Variants in BNC2 observed in about 807,000 individuals in gnomAD.
The protein encoded by BNC2 is zinc finger protein basonuclin-2.
BNC2 carries 20 observed loss-of-function variants against 76.3 expected under a neutral mutation model. The observed-to-expected ratio is 0.26, with a 90% CI of 0.18 to 0.38. BNC2 has a LOEUF of 0.38. Among genes scored for constraint, BNC2 ranks in the 10% least tolerant of loss-of-function variants. The pLI, the probability that BNC2 is intolerant of heterozygous loss-of-function variation, is 1.00. For missense variants in BNC2, 1,382 were observed against 1,399.8 expected (o/e 0.99, Z 0.20); for synonymous variants, 582 against 514.8 (o/e 1.13, Z -1.77).
intron 5 of BNC2, among the ~76,000 whole-genome samples, chr9:16,497,834 C>A (rs1037754511): frequency 1.3e-5 from 2 of 152,050 alleles, no homozygotes; most frequent in Non-Finnish European, 2.9e-5. Context: ...CCAGTCATAT[C>A]TGTGAACAGA....
At chr9:16,734,424 G>A (rs1331296548) in intron 2 of BNC2, among the ~76,000 whole-genome samples, 2 of 143,686 alleles carry the variant, frequency 1.4e-5, no homozygotes, top group Non-Finnish European at 3.0e-5. Context: ...TGTCATCTCT[G>A]ATTGCCAGCC....
chr9:16,822,307 T>C (rs1201329532), intron 1 of BNC2, among the ~76,000 whole-genome samples: 2 of 152,122 alleles, frequency 1.3e-5, no homozygotes, highest in African/African-American at 2.4e-5. Context: ...TTACCTCCTA[T>C]TACCCTAATA....
intron 3 of BNC2, chr9:16,705,128 C>CTT (rs1823627947): frequency 6.6e-6 from 1 of 151,896 alleles, no homozygotes; most frequent in Non-Finnish European, 1.5e-5. Context: ...TCCTGAGTCT[C>CTT]TAAGTCACCC....
At chr9:16,654,206 T>C (rs1821866971) in intron 3 of BNC2, among the ~76,000 whole-genome samples, 2 of 152,212 alleles carry the variant, frequency 1.3e-5, no homozygotes, top group South Asian at 2.1e-4. Flanking sequence ...TCCTCTCTTT[T>C]GGTTTCACTC....
intron 1 of BNC2, among the ~76,000 whole-genome samples, chr9:16,799,592 C>T (rs1473152186): frequency 6.6e-6 from 1 of 152,052 alleles, no homozygotes; most frequent in African/African-American, 2.4e-5. Flanking sequence ...TTACTTTCTT[C>T]AGGCAATAAC....
chr9:16,735,777 T>C (rs2135091863), intron 2 of BNC2, among the ~76,000 whole-genome samples: 1 of 152,050 alleles, frequency 6.6e-6, no homozygotes, highest in African/African-American at 2.4e-5. Context: ...GTGCTGGGAT[T>C]ACAGGGGTGA....
At chr9:16,447,388 C>G (rs550974905) in intron 5 of BNC2, among the ~76,000 whole-genome samples, 15 of 152,124 alleles carry the variant, frequency 9.9e-5, no homozygotes, top group South Asian at 6.2e-4. Context: ...CTCAGCTTTA[C>G]AATTCTATTA....
Position 16,552,643 on chromosome 9 carries a change from G to T in BNC2, c.556C>A (p.Leu186Ile). ...AAGAGACGGTCCAGCAGGATCTTTA[G>T]CCGCACAGGCACTGCTTGTGTCCCA... ...LYGTQAVPVR[L>I]KILLDRLFSV... Residue 186 changes from leucine (L) to isoleucine (I), a missense_variant, in exon 5 of 7, where the codon CTA (leucine) becomes ATA (isoleucine). By Grantham distance (5) the Leu-to-Ile change is conservative. Transcript: ENST00000380672. 1 of 1,614,200 alleles carries T rather than the reference G, an allele frequency of 6.2e-7. No individual in the cohort carries two copies. The highest frequency in any genetic ancestry group is 2.2e-5 in the East Asian group (1 of 44,868).
chr9:16,508,259 A>G (rs1822675207), intron 5 of BNC2, among the ~76,000 whole-genome samples: 1 of 152,242 alleles, frequency 6.6e-6, no homozygotes, highest in African/African-American at 2.4e-5. Flanking sequence ...CTTCTGGTCA[A>G]AGACATCTTG....
Position 16,861,333 on chromosome 9 carries a change from A to G in BNC2, c.3+9313T>C, listed in dbSNP as rs535672394. Among the ~76,000 whole-genome samples, 45 of 151,914 alleles carry G rather than the reference A, an allele frequency of 3.0e-4. No individual in the cohort carries two copies. The Middle Eastern group carries it at 0.01, about 35-fold the overall frequency. On this transcript the variant is annotated intron_variant, in intron 1 of 6. Coordinates refer to ENST00000380672, the MANE Select transcript of BNC2 (RefSeq NM_017637.6). ...CATACCACTGCACTCCAACCTGCAC[A>G]ACAGAACTAGAAAGACCCTGTCTCT... is the stretch of plus-strand genomic sequence containing the variant.
chr9:16,816,196 G>C (rs1049249578), intron 1 of BNC2, among the ~76,000 whole-genome samples: 1 of 152,032 alleles, frequency 6.6e-6, no homozygotes, highest in African/African-American at 2.4e-5. Flanking sequence ...CATTGTTCTG[G>C]CCAAGTAAAG....
At chr9:16,812,763 C>T (rs1818083762) in intron 1 of BNC2, among the ~76,000 whole-genome samples, 1 of 151,876 alleles carries the variant, frequency 6.6e-6, no homozygotes, top group Non-Finnish European at 1.5e-5. Context: ...ATACGTTTAG[C>T]TATAACTTCT....
Position 16,440,640 on chromosome 9 carries a change from T to A in BNC2, c.670-3116A>T, listed in dbSNP as rs550286259. 3.9e-5 allele frequency among the ~76,000 whole-genome samples: 6 copies of A among 152,326 alleles called. No individual in the cohort carries two copies. The East Asian group carries it at 1.2e-3, about 29-fold the overall frequency. On this transcript the variant is annotated intron_variant, in intron 5 of 6. Coordinates refer to ENST00000380672, the MANE Select transcript of BNC2 (RefSeq NM_017637.6). ...TCAGTCCCACCTGAGGCATCTCATT[T>A]CCATCACCCTTTATCTTCTTTCTCC...
rs561868232 is a variant in BNC2 at position 16,428,318 on chromosome 9, C to A, written c.2639+7237G>T. On this transcript the variant is annotated intron_variant, in intron 6 of 6. Coordinates refer to ENST00000380672, the MANE Select transcript of BNC2 (RefSeq NM_017637.6). ...AAGGCAGCAGAGTTAGAGCGGCTCC[C>A]CTCCACTGCCCATCAGACCTACAGG... Among the ~76,000 whole-genome samples, 5 of 152,308 alleles carry A rather than the reference C, an allele frequency of 3.3e-5. No homozygotes were observed. In the South Asian group the frequency reaches 1.0e-3, roughly 32 times the overall value.
chr9:16,571,220 T>G (rs944057340), intron 4 of BNC2, among the ~76,000 whole-genome samples: 1 of 152,142 alleles, frequency 6.6e-6, no homozygotes, highest in Admixed American at 6.5e-5. Context: ...TTAATAGCTT[T>G]TTTTAATTAA....
At chr9:16,600,330 T>C (rs1820211744) in intron 3 of BNC2, among the ~76,000 whole-genome samples, 1 of 152,212 alleles carries the variant, frequency 6.6e-6, no homozygotes, top group South Asian at 2.1e-4. Context: ...ACTTTGATCA[T>C]ATCCAATAAA....
chr9:16,670,615 G>A (rs886584102), intron 3 of BNC2, among the ~76,000 whole-genome samples: 3 of 152,166 alleles, frequency 2.0e-5, no homozygotes, highest in Admixed American at 6.5e-5. Flanking sequence ...AGGGAAATGC[G>A]TTACCTATTC....
chr9:16,766,457 C>G (rs1377208493), intron 1 of BNC2, among the ~76,000 whole-genome samples: 2 of 152,074 alleles, frequency 1.3e-5, no homozygotes, highest in African/African-American at 4.8e-5. Context: ...GGACCTAAAT[C>G]AACAATCTAC....
chr9:16,690,021 G>C (rs1389947808), intron 3 of BNC2, among the ~76,000 whole-genome samples: 1 of 152,210 alleles, frequency 6.6e-6, no homozygotes, highest in Non-Finnish European at 1.5e-5. Flanking sequence ...ACGTGGCAGA[G>C]TATGCAGTTA....
Sources: allele counts gnomAD v4.1 joint callset (sites outside exome capture counted in the v4.1 genomes callset), GRCh38; gene constraint gnomAD v4.1.1; transcripts MANE v1.5; gene names NCBI Gene and HGNC (gene_info 2026-07-23, HGNC 2026-07-21).